Variants in FER observed in about 807,000 individuals in gnomAD.
The protein encoded by FER is tyrosine-protein kinase Fer.
A neutral mutation model predicts 111.0 loss-of-function variants in FER; 63 were observed. The observed-to-expected ratio is 0.57, with a 90% CI of 0.46 to 0.70. The LOEUF (loss-of-function observed/expected upper bound fraction) is 0.70. FER is among the 30% of genes least tolerant of loss of function. FER has a pLI of 0.00. For missense variants in FER, 914 were observed against 954.0 expected, an observed-to-expected ratio of 0.96 and a Z score of 0.55; for synonymous variants, 327 against 313.9, an observed-to-expected ratio of 1.04 and a Z score of -0.44.
At chr5:108,940,313 A>C (rs1481325477) in intron 10 of FER, among the ~76,000 whole-genome samples, 2 of 152,090 alleles carry the variant, frequency 1.3e-5, no homozygotes, top group Non-Finnish European at 2.9e-5. Flanking sequence ...TTTATAAATA[A>C]AGGAAAGTAA....
At position 109,190,896 on chromosome 5, in the gene FER, G is replaced by T. The variant is rs995820121; in HGVS notation, c.*3321G>T. The T allele has an allele frequency of 1.3e-5, 2 of 152,194 alleles. No individual in the cohort carries two copies. The highest frequency in any genetic ancestry group is 6.5e-5 in the Admixed American group (1 of 15,278). 9.4% of individuals were successfully genotyped at this position (152,194 alleles called of 1,614,324 possible). A position where few individuals can be genotyped will look rare whatever the true frequency, so the allele number is the denominator to read the frequency against. On this transcript the variant is annotated 3_prime_UTR_variant, in exon 20 of 20. Transcript: ENST00000281092. Reference sequence around the variant, plus strand: ...TATTTTCAGTGCACATTTCACAGTTGTTTTTCATTTTAGGATTATTTTGAG... The same window carrying T: ...TATTTTCAGTGCACATTTCACAGTTTTTTTTCATTTTAGGATTATTTTGAG...
chr5:109,148,125 AATAGTTCACTTACCTGGG>A (rs1754440770), intron 17 of FER, among the ~76,000 whole-genome samples: 1 of 151,986 alleles, frequency 6.6e-6, no homozygotes, highest in African/African-American at 2.4e-5. Flanking sequence ...TAATCTGTTT[AATAGTTCACTTACCTGGG>A]ATATAATTAT....
chr5:108,978,615 G>A (rs571812524), intron 13 of FER, among the ~76,000 whole-genome samples: 12 of 152,198 alleles, frequency 7.9e-5, no homozygotes, highest in East Asian at 5.8e-4. Flanking sequence ...TGTGAAGTCC[G>A]GGAGTATATT....
chr5:109,088,138 A>T (rs1363601358), intron 16 of FER, among the ~76,000 whole-genome samples: 1 of 151,992 alleles, frequency 6.6e-6, no homozygotes, highest in Non-Finnish European at 1.5e-5. Context: ...TGAAAAATGT[A>T]TTACATATTA....
intron 13 of FER, among the ~76,000 whole-genome samples, chr5:108,979,429 G>T (rs916250283): frequency 2.0e-5 from 3 of 152,144 alleles, no homozygotes; most frequent in Non-Finnish European, 4.4e-5. Flanking sequence ...AAGAAATTAA[G>T]AAGTCAGTAT....
At chr5:109,101,631 A>G (rs1487568049) in intron 17 of FER, among the ~76,000 whole-genome samples, 1 of 152,076 alleles carries the variant, frequency 6.6e-6, no homozygotes, top group Non-Finnish European at 1.5e-5. Context: ...TTCTATGGAG[A>G]TATTTCTTTT....
At chr5:108,784,101 A>T (rs1754396416) in intron 2 of FER, 2 of 154,464 alleles carry the variant, frequency 1.3e-5, no homozygotes, top group African/African-American at 4.8e-5. Flanking sequence ...CATCATCATG[A>T]CTGAGCAGAT....
At chr5:108,841,417 T>A (rs966233071) in intron 5 of FER, among the ~76,000 whole-genome samples, 4 of 152,164 alleles carry the variant, frequency 2.6e-5, no homozygotes, top group African/African-American at 9.7e-5. Context: ...CACTAAGTAG[T>A]ATAAAGGAAA....
At chr5:108,845,051 T>TATATAC (rs1761868712) in intron 5 of FER, among the ~76,000 whole-genome samples, 1 of 48,758 alleles carries the variant, frequency 2.1e-5, no homozygotes, top group African/African-American at 9.3e-5. Context: ...CATATATATA[T>TATATAC]ATATATATAT....
chr5:109,066,659 T>C (rs1464282184), intron 16 of FER, among the ~76,000 whole-genome samples: 1 of 152,222 alleles, frequency 6.6e-6, no homozygotes, highest in Non-Finnish European at 1.5e-5. Context: ...TTTAAGTGAC[T>C]GAAACCTAGA....
intron 8 of FER, among the ~76,000 whole-genome samples, chr5:108,873,803 CGTCCTACA>C (rs1454460603): frequency 2.6e-5 from 4 of 152,170 alleles, no homozygotes; most frequent in Non-Finnish European, 4.4e-5. Flanking sequence ...TGCTGCTAAA[CGTCCTACA>C]GTGCACAGGA....
rs1201322146 is a variant in FER, at chr5:108,938,022, T to TCACA, written c.1237-8107_1237-8106insACAC. Reference sequence around the variant, plus strand: ...CTTCCCTCCTTTTTTTCCCTATCTCTCTCTCACACACACACACACACACAC... The same window carrying TCACA: ...CTTCCCTCCTTTTTTTCCCTATCTCTCACACTCTCACACACACACACACACACAC... On this transcript the variant is annotated intron_variant, in intron 10 of 19. Coordinates refer to ENST00000281092, the MANE Select transcript of FER (RefSeq NM_005246.4). Among the ~76,000 whole-genome samples, 265 of 77,818 alleles carry TCACA rather than the reference T, an allele frequency of 3.4e-3. 1 individual carries two copies. Among genetic ancestry groups the TCACA allele is most frequent in the African/African-American group, 5.0e-3 (101 of 20,002 alleles). The allele number at this position is 77,818 out of a possible 152,430, so 51.1% of individuals were successfully genotyped here. A position where few individuals can be genotyped will look rare whatever the true frequency, so the allele number is the denominator to read the frequency against.
At chr5:108,940,042 C>G (rs1325941376) in intron 10 of FER, among the ~76,000 whole-genome samples, 2 of 152,084 alleles carry the variant, frequency 1.3e-5, no homozygotes, top group African/African-American at 4.8e-5. Context: ...AACTTATCCT[C>G]TCTATCCCCT....
chr5:108,894,192 A>G (rs1019913514), intron 9 of FER, among the ~76,000 whole-genome samples: 1 of 152,064 alleles, frequency 6.6e-6, no homozygotes, highest in African/African-American at 2.4e-5. Context: ...GTTCTCTATT[A>G]TTCCTCTCAT....
chr5:108,794,327 C>T (rs1258221915), intron 2 of FER, among the ~76,000 whole-genome samples: 3 of 151,692 alleles, frequency 2.0e-5, no homozygotes, highest in South Asian at 2.1e-4. Context: ...AAGTGATTCT[C>T]CTGCTGCGGC....
chr5:109,108,104 G>T (rs1438777438), intron 17 of FER, among the ~76,000 whole-genome samples: 1 of 152,104 alleles, frequency 6.6e-6, no homozygotes, highest in South Asian at 2.1e-4. Context: ...TTCAAAAGAT[G>T]GCTATCGTAC....
chr5:109,039,697 G>A (rs1770885701), intron 14 of FER, among the ~76,000 whole-genome samples: 2 of 152,212 alleles, frequency 1.3e-5, no homozygotes, highest in East Asian at 1.9e-4. Flanking sequence ...AGCAAAGGAA[G>A]CATTTTCATT....
chr5:109,060,722 T>G (rs573297394), intron 16 of FER, among the ~76,000 whole-genome samples: 5 of 151,820 alleles, frequency 3.3e-5, no homozygotes, highest in Admixed American at 2.6e-4. Flanking sequence ...AAGATTGTTA[T>G]TAAATGTACT....
At chr5:109,028,367 A>T (rs578161508) in intron 13 of FER, among the ~76,000 whole-genome samples, 193 of 152,352 alleles carry the variant, frequency 1.3e-3, no homozygotes, top group Non-Finnish European at 2.2e-3. Flanking sequence ...ATCTGTTAGG[A>T]ATAGAACTTG....
Sources: gnomAD v4.1 joint callset for allele counts (sites outside exome capture counted in the v4.1 genomes callset) on GRCh38, gnomAD v4.1.1 for gene constraint, MANE v1.5 for transcripts, NCBI Gene and HGNC (gene_info 2026-07-23, HGNC 2026-07-21) for gene names.